The following AKAP9 variants were observed in gnomAD, a reference collection of about 807,000 sequenced individuals.
AKAP9 encodes A-kinase anchoring protein 9.
In AKAP9, 311 loss-of-function variants were observed where a neutral mutation model predicts 488.5. The ratio of observed to expected loss-of-function variants is 0.64; its 90% CI spans 0.58 to 0.70. AKAP9 has a LOEUF of 0.70. Ranked by LOEUF, AKAP9 falls within the 30% of genes least tolerant of loss-of-function variation. The pLI is 0.00. For synonymous variants in AKAP9, 1,462 were observed against 1,483.5 expected (o/e 0.99, Z 0.33); for missense variants, 4,215 against 4,374.5 (o/e 0.96, Z 1.03).
In AKAP9 at chr7:92,096,817, C is replaced by T. The variant is rs1298777045; in HGVS notation, c.9858C>T (p.Ala3286=). 3.1e-6 allele frequency: 5 copies of T among 1,613,930 alleles called. No homozygotes were observed. The African/African-American group carries it at 5.3e-5, about 17-fold the overall frequency. The change falls in exon 41 of 50, where the codon GCC becomes GCT. Residue 3286 remains alanine (A), a synonymous_variant. Coordinates refer to ENST00000356239, the MANE Select transcript of AKAP9 (RefSeq NM_005751.5). Reference sequence around the variant, plus strand: ...AATCACAGAGAATGCTATATGATGCCCAGTTGTCAGAAGAACAAGGTCGAA... The same window carrying T: ...AATCACAGAGAATGCTATATGATGCTCAGTTGTCAGAAGAACAAGGTCGAA... ...KIESQRMLYD[A]QLSEEQGRNL...
intron 1 of AKAP9, among the ~76,000 whole-genome samples, chr7:91,951,810 G>A (rs1792290211): frequency 6.6e-6 from 1 of 151,904 alleles, no homozygotes; most frequent in Admixed American, 6.6e-5. Flanking sequence ...TGTCTCACAC[G>A]CTTGCAGTGA....
Position 92,022,799 on chromosome 7 carries a change from C to T in AKAP9, c.3953-15C>T, listed in dbSNP as rs201879671. 2.0e-4 allele frequency: 300 copies of T among 1,526,866 alleles called. No homozygotes were observed. The highest frequency in any genetic ancestry group is 2.6e-4 in the Non-Finnish European group (291 of 1,106,220). 94.6% of individuals were successfully genotyped at this position (1,526,866 alleles called of 1,614,324 possible). A position where few individuals can be genotyped will look rare whatever the true frequency, so the allele number is the denominator to read the frequency against. On this transcript the variant is annotated splice_polypyrimidine_tract_variant and intron_variant, in intron 13 of 49. Transcript: ENST00000356239. ...ATATTGAAATGTGCATTTTTTGTCT[C>T]TTTATATAACATAGATGTCAATCAT...
At chr7:92,027,430 C>T (rs1803453089) in intron 14 of AKAP9, among the ~76,000 whole-genome samples, 1 of 147,392 alleles carries the variant, frequency 6.8e-6, no homozygotes, top group Non-Finnish European at 1.5e-5. Flanking sequence ...CTCTGCCCGG[C>T]CGCCCTGTCT....
At position 92,011,138 on chromosome 7, in the gene AKAP9, G is replaced by A. The variant is rs945672951; in HGVS notation, c.3319-1291G>A. On this transcript the variant is annotated intron_variant, in intron 8 of 49. Transcript: ENST00000356239. ...TTAGAAGCATTCCCATTAATATCAA[G>A]TATAGAATAAAATGTGATAGAAGCA... 1.6e-4 allele frequency among the ~76,000 whole-genome samples: 25 copies of A among 152,076 alleles called. 1 individual carries two copies. Among genetic ancestry groups the A allele is most frequent in the Non-Finnish European group, 2.9e-5 (2 of 68,014 alleles).
chr7:92,006,202 G>A (rs1799844778), intron 8 of AKAP9, among the ~76,000 whole-genome samples: 1 of 151,502 alleles, frequency 6.6e-6, no homozygotes, highest in South Asian at 2.1e-4. Flanking sequence ...CCAGGCTAGA[G>A]TCTCATGGCG....
chr7:92,002,281 A>G lies in AKAP9; in HGVS notation c.2364A>G (p.Glu788=). 6.2e-7 allele frequency: 1 copy of G among 1,611,174 alleles called. No individual in the cohort carries two copies. The highest frequency in any genetic ancestry group is 8.5e-7 in the Non-Finnish European group (1 of 1,178,880). ...SILKDEKKTL[E]DMLKIHTPVS... ...TTAAAGATGAAAAGAAAACCCTTGA[A>G]GACATGTTGAAAATACATACTCCTG... Residue 788 remains glutamate, a synonymous_variant, in exon 8 of 50, where the codon GAA becomes GAG. Coordinates refer to ENST00000356239, the MANE Select transcript of AKAP9 (RefSeq NM_005751.5).
chr7:92,072,008 A>G (rs1007894568), intron 28 of AKAP9, among the ~76,000 whole-genome samples: 1 of 152,022 alleles, frequency 6.6e-6, no homozygotes, highest in Admixed American at 6.6e-5. Flanking sequence ...TTTTGTTTAT[A>G]TGTAACTATT....
Position 92,107,285 on chromosome 7 carries a change from T to A in AKAP9, c.11417-8T>A, listed in dbSNP as rs748554956. On this transcript the variant is annotated splice_polypyrimidine_tract_variant and splice_region_variant and intron_variant, in intron 47 of 49. Coordinates refer to ENST00000356239, the MANE Select transcript of AKAP9 (RefSeq NM_005751.5). ...TTTCTTTACAAGGAATATTTTGGGT[T>A]ACTTTAGGTGCAGAAAAGACTGACT... The A allele has an allele frequency of 1.2e-5, 20 of 1,613,860 alleles. No homozygotes were observed. The highest frequency in any genetic ancestry group is 1.7e-5 in the Non-Finnish European group (20 of 1,179,904).
Position 91,980,274 on chromosome 7 carries a change from T to C in AKAP9, c.307-15T>C. ...AAAAAGTCATAATTATATTTGGTTT[T>C]TATTTTTGTTTTAGCTGGAAAGTGA... On this transcript the variant is annotated splice_polypyrimidine_tract_variant and intron_variant, in intron 2 of 49. Coordinates refer to ENST00000356239, the MANE Select transcript of AKAP9 (RefSeq NM_005751.5). 1 of 1,557,364 alleles carries C rather than the reference T, an allele frequency of 6.4e-7. No individual in the cohort carries two copies. The highest frequency in any genetic ancestry group is 8.8e-7 in the Non-Finnish European group (1 of 1,134,368).
chr7:92,089,595 C>A, intron 38 of AKAP9, 66 bp downstream of exon 38: 1 of 1,498,980 alleles, frequency 6.7e-7, no homozygotes, highest in Non-Finnish European at 9.2e-7. Flanking sequence ...TGTTTTCTTT[C>A]TTATTATTAT....
Position 92,092,098 on chromosome 7 carries a change from C to T in AKAP9, c.9359-999C>T, listed in dbSNP as rs140376923. ...ACCTAACACCTGGGTAAATATGTCT[C>T]CAGACCTTTTCAATGTGCATGTGTA... On this transcript the variant is annotated intron_variant, in intron 38 of 49. Transcript: ENST00000356239. 4.6e-5 allele frequency: 7 copies of T among 152,236 alleles called. No individual in the cohort carries two copies. The East Asian group carries it at 1.3e-3, about 29-fold the overall frequency. 9.4% of individuals were successfully genotyped at this position (152,236 alleles called of 1,614,324 possible).
intron 38 of AKAP9, 68 bp from the exon 39 acceptor site, chr7:92,093,029 A>C: frequency 2.9e-6 from 4 of 1,377,154 alleles, no homozygotes; most frequent in Non-Finnish European, 4.1e-6. Flanking sequence ...AGTTCTTATC[A>C]ACAAATATTT....
At chr7:92,041,104 C>T (rs575951050) in intron 18 of AKAP9, 1 of 515,200 alleles carries the variant, frequency 1.9e-6, no homozygotes, top group East Asian at 3.0e-5. Context: ...GTTAGGGACA[C>T]CTATCTCAAC....
intron 9 of AKAP9, among the ~76,000 whole-genome samples, chr7:92,013,549 G>A (rs879063429): frequency 7.2e-5 from 11 of 152,132 alleles, no homozygotes; most frequent in Admixed American, 3.3e-4. Context: ...ACACCACTGC[G>A]GTGAGTTGGG....
rs149979685 is a variant in AKAP9 at position 92,102,796 on chromosome 7, C to T, written c.11300C>T (p.Ser3767Leu). The change falls in exon 46 of 50, where the codon TCG becomes TTG. Residue 3767 changes from serine (S) to leucine (L), a missense_variant. This residue lies in a region of AKAP9 where 253 missense variants were observed against 266.8 expected (regional missense o/e 0.95). Transcript: ENST00000356239. ...NRPKGFTRFR[S>L]AVRVSIAISR... ...CCAAAGGGCTTCACCAGGTTTCGGT[C>T]GGCCGTCAGAGTATCCATTGCAATT... The T allele has an allele frequency of 2.8e-4, 459 of 1,614,096 alleles. 3 individuals are homozygous for T. The African/African-American group carries it at 5.0e-3, about 18-fold the overall frequency.
chr7:91,955,001 A>G (rs1174424801), intron 1 of AKAP9, among the ~76,000 whole-genome samples: 2 of 152,216 alleles, frequency 1.3e-5, no homozygotes, highest in Non-Finnish European at 2.9e-5. Flanking sequence ...TTTATAGATG[A>G]TTTTAGGAGT....
chr7:92,073,597 C>T (rs1812096483), intron 28 of AKAP9, among the ~76,000 whole-genome samples: 1 of 152,024 alleles, frequency 6.6e-6, no homozygotes, highest in Non-Finnish European at 1.5e-5. Context: ...CAAATATTTA[C>T]CAGCCTTTGT....
intron 4 of AKAP9, among the ~76,000 whole-genome samples, chr7:91,992,661 CAAAAA>C (rs770870521): frequency 2.1e-5 from 1 of 46,632 alleles, no homozygotes; most frequent in Non-Finnish European, 4.5e-5. Flanking sequence ...AAGACTCTGT[CAAAAA>C]AAAAAAAAAA....
At chr7:92,021,550 C>T (rs1216096380) in intron 12 of AKAP9, among the ~76,000 whole-genome samples, 2 of 151,970 alleles carry the variant, frequency 1.3e-5, no homozygotes, top group African/African-American at 2.4e-5. Flanking sequence ...GAAATTCACC[C>T]GCCTCAGCCC....
Sources: allele counts gnomAD v4.1 joint callset (sites outside exome capture counted in the v4.1 genomes callset), GRCh38; gene constraint gnomAD v4.1.1; regional missense constraint gnomAD v4.1.1; transcripts MANE v1.5; gene names NCBI Gene and HGNC (gene_info 2026-07-23, HGNC 2026-07-21).